Variants in STARD9 observed in about 807,000 individuals in gnomAD.
STARD9 encodes StAR related lipid transfer domain containing 9.
STARD9 carries 346 observed loss-of-function variants against 399.8 expected under a neutral mutation model. The ratio of observed to expected loss-of-function variants is 0.87; its 90% CI spans 0.79 to 0.95. STARD9 has a LOEUF of 0.95. STARD9 is among the 40% of genes least tolerant of loss of function. The pLI, the probability that STARD9 is intolerant of heterozygous loss-of-function variation, is 0.00. For missense variants in STARD9, 5,832 were observed against 5,667.5 expected (o/e 1.03, Z -0.93); for synonymous variants, 2,203 against 2,143.5 (o/e 1.03, Z -0.77).
intron 3 of STARD9, among the ~76,000 whole-genome samples, chr15:42,588,798 T>C (rs1409347538): frequency 2.6e-5 from 1 of 38,732 alleles, no homozygotes; most frequent in Non-Finnish European, 7.8e-5. Flanking sequence ...TTTTTTTTTT[T>C]TTTTTTTTTT....
chr15:42,684,317 G>C lies in STARD9; in HGVS notation c.2739G>C (p.Lys913Asn). The change falls in exon 23 of 33, where the codon AAG becomes AAC. Residue 913 changes from lysine to asparagine, a missense_variant. Coordinates refer to ENST00000290607, the MANE Select transcript of STARD9 (RefSeq NM_020759.3). Reference sequence around the variant, plus strand: ...CAGCCAGAGCAGCCTTGGCCAGGAAGGGAGCCTCAGCTCCAGACGCTTGCC... The same window carrying C: ...CAGCCAGAGCAGCCTTGGCCAGGAACGGAGCCTCAGCTCCAGACGCTTGCC... ...PCTARAALAR[K>N]GASAPDACLT... The C allele has an allele frequency of 6.5e-7, 1 of 1,536,748 alleles. No individual in the cohort carries two copies. The highest frequency in any genetic ancestry group is 2.4e-5 in the East Asian group (1 of 40,914).
chr15:42,694,133 C>T lies in STARD9; in HGVS notation c.12555C>T (p.His4185=). ...GTCCCCCACAACCTCCTAATGACCA[C>T]AGCCAGGATTCTGAGTGGTCCAAGA... ...EQSPPQPPND[H]SQDSEWSKRE... The change falls in exon 23 of 33, where the codon CAC becomes CAT. Residue 4185 remains histidine (H), a synonymous_variant. Coordinates refer to ENST00000290607, the MANE Select transcript of STARD9 (RefSeq NM_020759.3). 6.5e-7 allele frequency: 1 copy of T among 1,536,682 alleles called. No individual in the cohort carries two copies. Among genetic ancestry groups the T allele is most frequent in the South Asian group, 1.2e-5 (1 of 83,944 alleles).
chr15:42,719,568 T>C lies in STARD9; in HGVS notation c.14097T>C (p.Gly4699=), dbSNP rs1205365437. The part of the protein sequence containing the change: ...LVIARLASFL[G]R ...TAGCCAGACTGGCTTCCTTCCTTGGTAGGTAGCATCTCACCGTCAAGATGG... is the reference window on the plus strand; with the variant it reads ...TAGCCAGACTGGCTTCCTTCCTTGGCAGGTAGCATCTCACCGTCAAGATGG... The change falls in exon 33 of 33, where the codon GGT becomes GGC. Residue 4699 remains glycine (G), a synonymous_variant. Coordinates refer to ENST00000290607, the MANE Select transcript of STARD9 (RefSeq NM_020759.3). 1.3e-6 allele frequency: 2 copies of C among 1,531,830 alleles called. No homozygotes were observed. The highest frequency in any genetic ancestry group is 1.2e-5 in the South Asian group (1 of 83,942). 94.9% of individuals were successfully genotyped at this position (1,531,830 alleles called of 1,614,324 possible).
chr15:42,685,102 C>G lies in STARD9; in HGVS notation c.3524C>G (p.Pro1175Arg). ...CGTCCCACCAACAACCGTGGCCAACCCAGGACCAGAACTAGAGCTTCTGTG... is the reference window on the plus strand; with the variant it reads ...CGTCCCACCAACAACCGTGGCCAACGCAGGACCAGAACTAGAGCTTCTGTG... ...GNRPTNNRGQ[P>R]RTRTRASVRG... The change falls in exon 23 of 33, where the codon CCC becomes CGC. Residue 1175 changes from proline to arginine, a missense_variant. Coordinates refer to ENST00000290607, the MANE Select transcript of STARD9 (RefSeq NM_020759.3). 1 of 1,537,198 alleles carries G rather than the reference C, an allele frequency of 6.5e-7. No homozygotes were observed.
chr15:42,596,787 T>C (rs2058514241), intron 3 of STARD9, among the ~76,000 whole-genome samples: 1 of 152,262 alleles, frequency 6.6e-6, no homozygotes, highest in Non-Finnish European at 1.5e-5. Context: ...AAATGTCAGC[T>C]AATTGATTAG....
chr15:42,601,628 A>G (rs919566059), intron 3 of STARD9, among the ~76,000 whole-genome samples: 1 of 151,222 alleles, frequency 6.6e-6, no homozygotes, highest in Non-Finnish European at 1.5e-5. Flanking sequence ...GCTGCCCCCC[A>G]CTTCCCGGAT....
At chr15:42,590,035 A>T (rs746525557) in intron 3 of STARD9, among the ~76,000 whole-genome samples, 13 of 137,510 alleles carry the variant, frequency 9.5e-5, no homozygotes, top group African/African-American at 3.6e-4. Context: ...GTCACAGCTC[A>T]CTGCAGCCTC....
In STARD9 at chr15:42,687,793, T is replaced by G. The variant is rs567917574; in HGVS notation, c.6215T>G (p.Val2072Gly). The stretch of plus-strand genomic sequence containing the variant: ...ATTGAATCTAAGCAGAATAAGCAGG[T>G]TCATGCTTCCCACACACCAGGAACC... ...LEIESKQNKQ[V>G]HASHTPGTDK... Residue 2072 changes from valine to glycine, a missense_variant, in exon 23 of 33, where the codon GTT becomes GGT. By Grantham distance (109) the Val-to-Gly change is moderately radical (BLOSUM62 -3). Around this residue, in one of 2 missense-constraint regions of STARD9, gnomAD observed 5,828 missense variants for 5,651.1 expected, o/e 1.03. Transcript: ENST00000290607. 1 of 1,537,390 alleles carries G rather than the reference T, an allele frequency of 6.5e-7. No individual in the cohort carries two copies.
Position 42,687,550 on chromosome 15 carries a change from C to G in STARD9, c.5972C>G (p.Ser1991Ter). The change falls in exon 23 of 33, where the codon TCA becomes TGA. Residue 1991 changes from serine to a stop codon, truncating the protein, a stop_gained. Transcript: ENST00000290607. LOFTEE classifies it high-confidence loss of function. Reference sequence around the variant, plus strand: ...AAAGGTCTTCGTCCCAAAGATAGCTCAGAAGAGTTTAAGCTTCCAGGTACA... The same window carrying G: ...AAAGGTCTTCGTCCCAAAGATAGCTGAGAAGAGTTTAAGCTTCCAGGTACA... ...LEKGLRPKDS[S>*]EEFKLPGTKP... 1 of 1,536,956 alleles carries G rather than the reference C, an allele frequency of 6.5e-7. No individual in the cohort carries two copies. The highest frequency in any genetic ancestry group is 8.7e-7 in the Non-Finnish European group (1 of 1,146,860).
At chr15:42,637,463 C>T (rs987104299) in intron 4 of STARD9, among the ~76,000 whole-genome samples, 1 of 152,284 alleles carries the variant, frequency 6.6e-6, no homozygotes, top group South Asian at 2.1e-4. Flanking sequence ...GATCCACCCA[C>T]CTCGGCCTCC....
chr15:42,671,563 G>C (rs528485106), intron 16 of STARD9: 2 of 152,148 alleles, frequency 1.3e-5, no homozygotes, highest in African/African-American at 2.4e-5. Context: ...ATAAGGGAGA[G>C]GGGGGAAGGG....
chr15:42,648,961 T>G (rs1005109579), intron 7 of STARD9, among the ~76,000 whole-genome samples: 11 of 152,128 alleles, frequency 7.2e-5, no homozygotes, highest in Non-Finnish European at 1.5e-4. Context: ...GGTTTTGGAC[T>G]CCTGGGCTCA....
chr15:42,628,283 G>A (rs1419991336), intron 3 of STARD9, among the ~76,000 whole-genome samples: 1 of 152,052 alleles, frequency 6.6e-6, no homozygotes, highest in Non-Finnish European at 1.5e-5. Context: ...TGAATTTTTA[G>A]ATTTTTTATT....
Position 42,674,947 on chromosome 15 carries a change from C to T in STARD9, c.1670C>T (p.Ser557Phe), listed in dbSNP as rs1389372944. 6 of 1,535,300 alleles carry T rather than the reference C, an allele frequency of 3.9e-6. No homozygotes were observed. Among genetic ancestry groups the T allele is most frequent in the Admixed American group, 3.9e-5 (2 of 50,772 alleles). Residue 557 changes from serine (S) to phenylalanine (F), a missense_variant, in exon 18 of 33, where the codon TCC (serine) becomes TTC (phenylalanine). This residue lies in a region of STARD9 where 5,828 missense variants were observed against 5,651.1 expected (regional missense o/e 1.03). Transcript: ENST00000290607. ...CTVNGREVTA[S>F]CRLTQGAVIT... is the part of the protein sequence containing the mutation. ...GTCAATGGCCGGGAGGTCACTGCCT[C>T]CTGCCGTCTGACTCAAGGTAGGACT...
In STARD9 at chr15:42,634,857, T is replaced by C. The variant is rs1276877593; in HGVS notation, c.236T>C (p.Val79Ala). The C allele has an allele frequency of 6.6e-7, 1 of 1,518,298 alleles. No individual in the cohort carries two copies. Among genetic ancestry groups the C allele is most frequent in the Admixed American group, 2.0e-5 (1 of 50,240 alleles). The allele number at this position is 1,518,298 out of a possible 1,614,324, so 94.1% of individuals were successfully genotyped here. Residue 79 changes from valine to alanine, a missense_variant and splice_region_variant, in exon 4 of 33, where the codon GTT becomes GCT. By Grantham distance (64) the Val-to-Ala change is moderately conservative. Transcript: ENST00000290607. ...TTTCCTCTGCTTTTGTTGTTACAGG[T>C]TTTCCAGGATTTAGGGATGGAAGTA... ...EDPQYASQDV[V>A]FQDLGMEVLS...
Position 42,693,125 on chromosome 15 carries a change from G to C in STARD9, c.11547G>C (p.Glu3849Asp). The C allele has an allele frequency of 1.3e-6, 2 of 1,537,132 alleles. No individual in the cohort carries two copies. Among genetic ancestry groups the C allele is most frequent in the Middle Eastern group, 3.3e-4 (2 of 5,990 alleles). Residue 3849 changes from glutamate (E) to aspartate (D), a missense_variant, in exon 23 of 33, where the codon GAG becomes GAC. By Grantham distance (45) the Glu-to-Asp change is conservative. Transcript: ENST00000290607. ...TCCTGCCTCCCAGCTCCCAGCCAGA[G>C]GAGTCATATTGCTTAGTTGTCAGCA... ...DAFLPPSSQP[E>D]ESYCLVVSSP...
intron 3 of STARD9, among the ~76,000 whole-genome samples, chr15:42,622,536 C>G (rs2059113670): frequency 6.6e-6 from 1 of 152,070 alleles, no homozygotes; most frequent in East Asian, 1.9e-4. Context: ...CAGCGGATGT[C>G]TCTCCGTTTT....
intron 26 of STARD9, among the ~76,000 whole-genome samples, chr15:42,714,843 A>G (rs1302183291): frequency 6.6e-6 from 1 of 150,568 alleles, no homozygotes; most frequent in East Asian, 1.9e-4. Flanking sequence ...TGGGTCTCTG[A>G]TGCAATCTTT....
In STARD9 at chr15:42,718,499, C is replaced by T. The variant is rs1322025514; in HGVS notation, c.13827C>T (p.Cys4609=). 5 of 1,537,106 alleles carry T rather than the reference C, an allele frequency of 3.3e-6. No homozygotes were observed. The highest frequency in any genetic ancestry group is 2.0e-5 in the Admixed American group (1 of 51,000). Residue 4609 remains cysteine, a synonymous_variant, in exon 31 of 33, where the codon TGC becomes TGT. Transcript: ENST00000290607. Reference sequence around the variant, plus strand: ...AGCCACGGGATTTCTGTTGTGTCTGCGTGGAAGCCAAAGAGGTGCCTGCCT... The same window carrying T: ...AGCCACGGGATTTCTGTTGTGTCTGTGTGGAAGCCAAAGAGGTGCCTGCCT... ...LKQPRDFCCV[C]VEAKEGHLSV...
Sources: allele counts gnomAD v4.1 joint callset (sites outside exome capture counted in the v4.1 genomes callset), GRCh38; gene constraint gnomAD v4.1.1; regional missense constraint gnomAD v4.1.1; transcripts MANE v1.5; gene names NCBI Gene and HGNC (gene_info 2026-07-23, HGNC 2026-07-21).